Variants in KALRN observed in about 807,000 individuals in gnomAD.
KALRN encodes kalirin.
KALRN carries 70 observed loss-of-function variants against 353.7 expected under a neutral mutation model. The ratio of observed to expected loss-of-function variants is 0.20; its 90% CI spans 0.16 to 0.24. The LOEUF is 0.24. Ranked by LOEUF, KALRN falls within the 10% of genes least tolerant of loss-of-function variation. KALRN has a pLI of 1.00. For missense variants in KALRN, 2,791 were observed against 3,756.7 expected (o/e 0.74, Z 6.72); for synonymous variants, 1,391 against 1,434.8 (o/e 0.97, Z 0.69).
At chr3:124,109,731 T>C (rs533227863) in intron 1 of KALRN, among the ~76,000 whole-genome samples, 3 of 143,702 alleles carry the variant, frequency 2.1e-5, no homozygotes, top group African/African-American at 8.0e-5. Context: ...ATATCATACT[T>C]TGATATATAT....
At chr3:124,597,964 G>T (rs1485606898) in intron 34 of KALRN, among the ~76,000 whole-genome samples, 1 of 152,134 alleles carries the variant, frequency 6.6e-6, no homozygotes, top group Admixed American at 6.5e-5. Flanking sequence ...ATGTTTGGAG[G>T]AACAGGGAGG....
intron 34 of KALRN, among the ~76,000 whole-genome samples, chr3:124,571,610 G>GT (rs1191592311): frequency 7.2e-5 from 11 of 151,986 alleles, no homozygotes; most frequent in Admixed American, 4.6e-4. Flanking sequence ...AAAAATGTCT[G>GT]TTTTTTTCTC....
intron 9 of KALRN, among the ~76,000 whole-genome samples, chr3:124,344,934 G>A (rs983811663): frequency 1.1e-4 from 16 of 152,310 alleles, no homozygotes; most frequent in Admixed American, 2.6e-4. Context: ...TTGTGAAATC[G>A]TTTCTGGGGA....
intron 16 of KALRN, 52 bp from the exon 17 acceptor site, chr3:124,434,255 T>A: frequency 6.8e-7 from 1 of 1,465,676 alleles, no homozygotes. Flanking sequence ...CCCCCTCCCA[T>A]ACCACGCCTG....
intron 25 of KALRN, among the ~76,000 whole-genome samples, chr3:124,471,944 G>C (rs2060943886): frequency 7.2e-6 from 1 of 138,082 alleles, no homozygotes; most frequent in African/African-American, 2.7e-5. Context: ...TCCAGCCTGA[G>C]TGACAGAGTG....
chr3:124,434,628 C>T (rs1262688266), intron 17 of KALRN, 103 bp downstream of exon 17: 12 of 929,958 alleles, frequency 1.3e-5, no homozygotes, highest in Non-Finnish European at 2.0e-5. Flanking sequence ...AGAAGCCTGT[C>T]CTTTCAGTAC....
At chr3:124,615,162 T>G (rs941483821) in intron 34 of KALRN, among the ~76,000 whole-genome samples, 1 of 152,198 alleles carries the variant, frequency 6.6e-6, no homozygotes, top group African/African-American at 2.4e-5. Flanking sequence ...AACATAACTA[T>G]AGTCTAATCA....
intron 34 of KALRN, among the ~76,000 whole-genome samples, chr3:124,617,321 G>A (rs1026872164): frequency 1.3e-5 from 2 of 152,180 alleles, no homozygotes; most frequent in Non-Finnish European, 2.9e-5. Flanking sequence ...GTGACAGAGT[G>A]AGACCCTGTC....
In KALRN at chr3:124,368,175, T is replaced by C. The variant is rs528888932; in HGVS notation, c.1771-16670T>C. On this transcript the variant is annotated intron_variant, in intron 10 of 59. Coordinates refer to ENST00000682506, the MANE Select transcript of KALRN (RefSeq NM_001388419.1). The stretch of plus-strand genomic sequence containing the variant: ...CCACCTCCCTCCCGGACAGCACGGC[T>C]GGCCGGGCGGGGGGCTGACCCCCCA... Among the ~76,000 whole-genome samples, 96 of 74,058 alleles carry C rather than the reference T, an allele frequency of 1.3e-3. 19 individuals are homozygous for C. The highest frequency in any genetic ancestry group is 5.5e-3 in the African/African-American group (95 of 17,160). The allele number at this position is 74,058 out of a possible 152,430, so 48.6% of individuals were successfully genotyped here.
chr3:124,314,880 C>T (rs1259124321), intron 6 of KALRN, among the ~76,000 whole-genome samples: 2 of 152,156 alleles, frequency 1.3e-5, no homozygotes, highest in Non-Finnish European at 2.9e-5. Context: ...GTCTCAAACT[C>T]CTGGCCTCAA....
intron 25 of KALRN, among the ~76,000 whole-genome samples, chr3:124,474,196 T>G (rs2061216738): frequency 6.6e-6 from 1 of 152,192 alleles, no homozygotes; most frequent in Non-Finnish European, 1.5e-5. Flanking sequence ...TAGTACAAAT[T>G]GGCTACTGGT....
At chr3:124,209,376 G>T (rs1352238461) in intron 1 of KALRN, among the ~76,000 whole-genome samples, 1 of 151,054 alleles carries the variant, frequency 6.6e-6, no homozygotes, top group Non-Finnish European at 1.5e-5. Context: ...TGGTGGTGGT[G>T]TGTGCCTATG....
chr3:124,311,295 A>T (rs1379531727), intron 6 of KALRN, among the ~76,000 whole-genome samples: 4 of 151,814 alleles, frequency 2.6e-5, no homozygotes, highest in Non-Finnish European at 5.9e-5. Flanking sequence ...CCTGGTCTCT[A>T]CTAAAAATAG....
intron 15 of KALRN, among the ~76,000 whole-genome samples, chr3:124,427,818 T>C (rs909963467): frequency 6.6e-6 from 1 of 152,238 alleles, no homozygotes; most frequent in African/African-American, 2.4e-5. Context: ...ATGTTAGAAC[T>C]GGAAATTATC....
At chr3:124,137,317 A>C (rs180934672) in intron 1 of KALRN, among the ~76,000 whole-genome samples, 1 of 152,192 alleles carries the variant, frequency 6.6e-6, no homozygotes, top group African/African-American at 2.4e-5. Flanking sequence ...TGGCAAGTCC[A>C]TAAGAGTGGG....
chr3:124,625,097 C>A (rs1327816375), intron 34 of KALRN, among the ~76,000 whole-genome samples: 1 of 152,128 alleles, frequency 6.6e-6, no homozygotes, highest in Non-Finnish European at 1.5e-5. Context: ...TTCTCTGGGT[C>A]TAGACATTGT....
chr3:124,121,328 G>A (rs979118435), intron 1 of KALRN, among the ~76,000 whole-genome samples: 1 of 152,118 alleles, frequency 6.6e-6, no homozygotes. Context: ...TACAGTAGGT[G>A]CTCAATAAAG....
chr3:124,717,435 C>G (rs776225923), intron 59 of KALRN, 50 bp downstream of exon 59: 1 of 1,445,852 alleles, frequency 6.9e-7, no homozygotes, highest in Admixed American at 2.2e-5. Context: ...GCCTGAAATC[C>G]CAGCACTTTG....
chr3:124,376,593 A>G (rs537673407), intron 10 of KALRN, among the ~76,000 whole-genome samples: 2 of 152,348 alleles, frequency 1.3e-5, no homozygotes, highest in East Asian at 3.9e-4. Flanking sequence ...CTCCTTAATC[A>G]TAGACAATGT....
Sources: allele counts gnomAD v4.1 joint callset (sites outside exome capture counted in the v4.1 genomes callset), GRCh38; gene constraint gnomAD v4.1.1; transcripts MANE v1.5; gene names NCBI Gene and HGNC (gene_info 2026-07-23, HGNC 2026-07-21).